Variants in CNNM2 observed in about 807,000 individuals in gnomAD.
CNNM2 encodes the protein cyclin and CBS domain divalent metal cation transport mediator 2.
In CNNM2, 12 loss-of-function variants were observed where a neutral mutation model predicts 66.9. That is an observed-to-expected ratio of 0.18 (90% confidence interval 0.11 to 0.29). CNNM2 has a LOEUF of 0.29. Ranked by LOEUF, CNNM2 falls within the 10% of genes least tolerant of loss-of-function variation. The pLI, the probability that CNNM2 is intolerant of heterozygous loss-of-function variation, is 1.00. For missense variants in CNNM2, 705 were observed against 1,167.7 expected, an observed-to-expected ratio of 0.60 and a Z score of 5.77; for synonymous variants, 557 against 501.8, an observed-to-expected ratio of 1.11 and a Z score of -1.47.
At chr10:103,050,939 A>C (rs1176126059) in intron 2 of CNNM2, among the ~76,000 whole-genome samples, 1 of 152,150 alleles carries the variant, frequency 6.6e-6, no homozygotes, top group East Asian at 1.9e-4. Context: ...GCAATGCTCA[A>C]GGGTTCCATA....
At chr10:103,015,477 AC>A (rs2064426490) in intron 1 of CNNM2, among the ~76,000 whole-genome samples, 1 of 137,620 alleles carries the variant, frequency 7.3e-6, no homozygotes, top group African/African-American at 2.7e-5. Flanking sequence ...TATAACACTT[AC>A]AAATTATTGG....
chr10:103,023,448 T>C (rs990808322), intron 1 of CNNM2, among the ~76,000 whole-genome samples: 13 of 152,262 alleles, frequency 8.5e-5, no homozygotes, highest in African/African-American at 3.1e-4. Context: ...CTCAGGAGGC[T>C]GAGGCAGGAG....
At position 103,089,618 on chromosome 10, in the gene CNNM2, T is replaced by A; in HGVS notation, c.*12438T>A. The A allele has an allele frequency of 6.6e-7, 1 of 1,513,082 alleles. No individual in the cohort carries two copies. Among genetic ancestry groups the A allele is most frequent in the South Asian group, 1.3e-5 (1 of 74,248 alleles). 93.7% of individuals were successfully genotyped at this position (1,513,082 alleles called of 1,614,324 possible). On this transcript the variant is annotated 3_prime_UTR_variant, in exon 8 of 8. Transcript: ENST00000369878. Reference sequence around the variant, plus strand: ...CCCTAACAGGGACCTCGTTTGTTCCTGTGAGTCCTGCCAGGACTTGTTTAA... The same window carrying A: ...CCCTAACAGGGACCTCGTTTGTTCCAGTGAGTCCTGCCAGGACTTGTTTAA...
intron 2 of CNNM2, among the ~76,000 whole-genome samples, chr10:103,051,130 G>A (rs543059723): frequency 5.3e-5 from 8 of 152,040 alleles, no homozygotes; most frequent in African/African-American, 1.7e-4. Context: ...CTCAAAGCAG[G>A]GTGCTTTTTA....
At chr10:103,073,886 A>G (rs989744130) in intron 6 of CNNM2, among the ~76,000 whole-genome samples, 17 of 151,514 alleles carry the variant, frequency 1.1e-4, no homozygotes, top group Non-Finnish European at 4.4e-5. Context: ...AAAAAAAAAA[A>G]AAAAAAAAGA....
intron 1 of CNNM2, among the ~76,000 whole-genome samples, chr10:102,952,886 T>C (rs1337211597): frequency 3.3e-5 from 5 of 152,220 alleles, no homozygotes; most frequent in Non-Finnish European, 5.9e-5. Context: ...TGGAAACATA[T>C]AGGGTGTGCT....
At chr10:103,026,417 C>T (rs773106544) in intron 1 of CNNM2, among the ~76,000 whole-genome samples, 9 of 151,702 alleles carry the variant, frequency 5.9e-5, no homozygotes, top group Non-Finnish European at 8.8e-5. Flanking sequence ...CTGGGAAACA[C>T]GGCAAAACTG....
At chr10:102,946,808 C>A (rs1846633401) in intron 1 of CNNM2, among the ~76,000 whole-genome samples, 1 of 152,156 alleles carries the variant, frequency 6.6e-6, no homozygotes, top group African/African-American at 2.4e-5. Context: ...GAGACTTTGT[C>A]ATGGTACTTA....
intron 1 of CNNM2, among the ~76,000 whole-genome samples, chr10:102,952,415 T>C (rs537832710): frequency 6.6e-6 from 1 of 151,870 alleles, no homozygotes; most frequent in South Asian, 2.1e-4. Flanking sequence ...ATATGAAAAA[T>C]TGGCTGGGCG....
intron 1 of CNNM2, among the ~76,000 whole-genome samples, chr10:103,029,600 C>G (rs964779731): frequency 6.6e-6 from 1 of 152,132 alleles, no homozygotes; most frequent in Admixed American, 6.5e-5. Context: ...CGGTGGCTCA[C>G]GCCTGTAATC....
intron 6 of CNNM2, among the ~76,000 whole-genome samples, chr10:103,074,390 T>C (rs1248074465): frequency 6.6e-6 from 1 of 152,242 alleles, no homozygotes; most frequent in African/African-American, 2.4e-5. Flanking sequence ...AGATCCATTC[T>C]GCTAAATATA....
chr10:102,990,969 A>G (rs2134241952), intron 1 of CNNM2, among the ~76,000 whole-genome samples: 1 of 152,098 alleles, frequency 6.6e-6, no homozygotes, highest in Admixed American at 6.6e-5. Flanking sequence ...CAATTCTTAC[A>G]TTTTCCATTG....
At chr10:103,065,310 T>C (rs1464257120) in intron 4 of CNNM2, among the ~76,000 whole-genome samples, 1 of 152,202 alleles carries the variant, frequency 6.6e-6, no homozygotes, top group Non-Finnish European at 1.5e-5. Flanking sequence ...AATAAAATCC[T>C]GATGCCCAGA....
At chr10:103,041,537 G>A (rs1009121801) in intron 1 of CNNM2, among the ~76,000 whole-genome samples, 21 of 152,060 alleles carry the variant, frequency 1.4e-4, no homozygotes. Flanking sequence ...GCCAGTTCGG[G>A]CCTCCGTGTT....
At chr10:102,943,037 C>G (rs1335386697) in intron 1 of CNNM2, among the ~76,000 whole-genome samples, 3 of 152,060 alleles carry the variant, frequency 2.0e-5, no homozygotes, top group Non-Finnish European at 4.4e-5. Context: ...CCAGCCTGGC[C>G]AACATAGTGA....
At chr10:103,063,188 G>T (rs923555754) in intron 4 of CNNM2, among the ~76,000 whole-genome samples, 2 of 152,214 alleles carry the variant, frequency 1.3e-5, no homozygotes, top group African/African-American at 4.8e-5. Context: ...AACTTGCTGA[G>T]TCTGGCCATT....
At chr10:102,990,944 T>G (rs2063887609) in intron 1 of CNNM2, among the ~76,000 whole-genome samples, 1 of 152,182 alleles carries the variant, frequency 6.6e-6, no homozygotes, top group African/African-American at 2.4e-5. Flanking sequence ...GTTATCTCTG[T>G]GTACAAATGA....
rs368637290 is a variant in CNNM2 at position 103,089,891 on chromosome 10, C to T, written c.*12711C>T. ...TGATATCTACGTGTGTGTGCTCCACCGTTGATTCATGAGGCATCTAGACAG... is the reference window on the plus strand; with the variant it reads ...TGATATCTACGTGTGTGTGCTCCACTGTTGATTCATGAGGCATCTAGACAG... On this transcript the variant is annotated 3_prime_UTR_variant, in exon 8 of 8. Transcript: ENST00000369878. 31 of 1,604,808 alleles carry T rather than the reference C, an allele frequency of 1.9e-5. No individual in the cohort carries two copies. The highest frequency in any genetic ancestry group is 4.5e-5 in the East Asian group (2 of 44,720).
chr10:103,048,934 C>T (rs1381721906), intron 1 of CNNM2, among the ~76,000 whole-genome samples: 3 of 152,116 alleles, frequency 2.0e-5, no homozygotes, highest in Admixed American at 2.0e-4. Flanking sequence ...TAGCTCACTG[C>T]AGCCTCGAAC....
Sources: allele counts gnomAD v4.1 joint callset (sites outside exome capture counted in the v4.1 genomes callset), GRCh38; gene constraint gnomAD v4.1.1; transcripts MANE v1.5; gene names NCBI Gene and HGNC (gene_info 2026-07-23, HGNC 2026-07-21).